Variants in LINGO3 observed in about 807,000 individuals in gnomAD.
LINGO3 encodes leucine rich repeat and Ig domain containing 3.
For synonymous variants in LINGO3, 427 were observed against 444.2 expected, an observed-to-expected ratio of 0.96 and a Z score of 0.49; for missense variants, 750 against 867.7, an observed-to-expected ratio of 0.86 and a Z score of 1.70.
At chr19:2,303,714 A>G in the LINGO3 span, among the ~76,000 whole-genome samples, 2 of 152,032 alleles carry the variant, frequency 1.3e-5, no homozygotes, top group African/African-American at 4.8e-5. Context: ...GAAAGTCTTG[A>G]CTCTCGGCTG....
At chr19:2,302,121 G>A in the LINGO3 span, among the ~76,000 whole-genome samples, 1 of 134,526 alleles carries the variant, frequency 7.4e-6, no homozygotes, top group Non-Finnish European at 1.5e-5. Context: ...GAGTGCAATG[G>A]TTCAATCTAG....
chr19:2,287,239 G>C (rs896529881), downstream of LINGO3, among the ~76,000 whole-genome samples: 1 of 151,882 alleles, frequency 6.6e-6, no homozygotes, highest in East Asian at 1.9e-4. The surrounding 1 kb of genome is among the most constrained non-coding windows in gnomAD (Gnocchi z 4.5). Context: ...GTGCTGAGGG[G>C]TCTTAGTTCA....
exon 1 of LINGO3, chr19:2,291,091 A>G (rs1027397367): frequency 4.3e-6 from 7 of 1,609,662 alleles, no homozygotes; most frequent in Non-Finnish European, 5.9e-6. Context: ...CCAGTTGTCA[A>G]TCTCCAGGTG....
At chr19:2,294,663 G>GC (rs2025557481), upstream of LINGO3, among the ~76,000 whole-genome samples, 1 of 152,104 alleles carries the variant, frequency 6.6e-6, no homozygotes. This position sits in a 1 kb window ranked among gnomAD's most constrained non-coding sequence, Gnocchi z 4.3. Context: ...ATGACATGGA[G>GC]CCGTGGTGGC....
chr19:2,298,446 G>T, the LINGO3 span, among the ~76,000 whole-genome samples: 7,553 of 152,016 alleles, frequency 0.05, 267 homozygotes, highest in Non-Finnish European at 0.077. Flanking sequence ...TGCCCAGGCT[G>T]GTCTCGAACT....
chr19:2,287,941 C>A (rs572674921), downstream of LINGO3, among the ~76,000 whole-genome samples: 1 of 152,312 alleles, frequency 6.6e-6, no homozygotes, highest in South Asian at 2.1e-4. The surrounding 1 kb of genome is among the most constrained non-coding windows in gnomAD (Gnocchi z 4.5). Context: ...AACAGTGGTT[C>A]CTGTCCCTGC....
chr19:2,302,499 C>T, the LINGO3 span, among the ~76,000 whole-genome samples: 3 of 152,256 alleles, frequency 2.0e-5, no homozygotes, highest in Non-Finnish European at 4.4e-5. Flanking sequence ...CTCTGCGCCC[C>T]GCCGTCCACA....
chr19:2,291,316 C>T (rs1435533314), exon 1 of LINGO3: 13 of 1,612,806 alleles, frequency 8.1e-6, no homozygotes, highest in Non-Finnish European at 1.1e-5. Context: ...CACTTCCAGC[C>T]GGCGCAGGCT....
the LINGO3 span, among the ~76,000 whole-genome samples, chr19:2,304,458 T>C: frequency 6.6e-6 from 1 of 151,950 alleles, no homozygotes; most frequent in Admixed American, 6.6e-5. Flanking sequence ...CCTCTGCAGA[T>C]GGGATTAAGT....
chr19:2,297,304 C>CT, the LINGO3 span, among the ~76,000 whole-genome samples: 578 of 116,836 alleles, frequency 4.9e-3, 4 homozygotes, highest in Non-Finnish European at 7.2e-3. Context: ...CCCTCCCCCC[C>CT]TTTTTTTTTT....
At chr19:2,291,014 G>A (rs747237444) in exon 1 of LINGO3, 1 of 1,611,266 alleles carries the variant, frequency 6.2e-7, no homozygotes, top group African/African-American at 1.3e-5. Flanking sequence ...ATGTTGGTGT[G>A]GGTGACCGAC....
chr19:2,302,321 A>C, the LINGO3 span, among the ~76,000 whole-genome samples: 2 of 152,016 alleles, frequency 1.3e-5, no homozygotes, highest in Admixed American at 1.3e-4. Flanking sequence ...CCAGCCTCCC[A>C]AAGTGCTGGG....
chr19:2,303,468 G>A, the LINGO3 span, among the ~76,000 whole-genome samples: 1 of 152,108 alleles, frequency 6.6e-6, no homozygotes, highest in African/African-American at 2.4e-5. Flanking sequence ...AGCTAAGCGA[G>A]GGGCGAGGCT....
At chr19:2,304,563 G>A in the LINGO3 span, among the ~76,000 whole-genome samples, 1 of 151,610 alleles carries the variant, frequency 6.6e-6, no homozygotes, top group African/African-American at 2.4e-5. Context: ...GAAAGTCAGA[G>A]ACTGGAAGAG....
upstream of LINGO3, among the ~76,000 whole-genome samples, chr19:2,296,881 G>C (rs1229180108): frequency 1.5e-4 from 23 of 150,092 alleles, no homozygotes; most frequent in South Asian, 4.9e-3. Context: ...AAGGTCAGGA[G>C]ATCGAGACCA....
the LINGO3 span, among the ~76,000 whole-genome samples, chr19:2,307,405 C>G: frequency 6.6e-6 from 1 of 152,208 alleles, no homozygotes; most frequent in Admixed American, 6.5e-5. Flanking sequence ...CGAGGTGCTG[C>G]TCCCCTAAAC....
At chr19:2,288,591 G>A (rs898733961), downstream of LINGO3, among the ~76,000 whole-genome samples, 1 of 152,246 alleles carries the variant, frequency 6.6e-6, no homozygotes, top group African/African-American at 2.4e-5. The surrounding 1 kb of genome is among the most constrained non-coding windows in gnomAD (Gnocchi z 6.5). Flanking sequence ...CTTGCCTGCT[G>A]TTCTGGGAAG....
chr19:2,296,699 G>T (rs764324982), upstream of LINGO3, among the ~76,000 whole-genome samples: 3 of 151,582 alleles, frequency 2.0e-5, no homozygotes, highest in African/African-American at 7.3e-5. Context: ...GGTTGGTTTC[G>T]AACTCCACTT....
chr19:2,295,358 G>A (rs2025563606), upstream of LINGO3, among the ~76,000 whole-genome samples: 1 of 152,158 alleles, frequency 6.6e-6, no homozygotes. Flanking sequence ...AGCTGGAAGA[G>A]TCAGAAAGGG....
Sources: allele counts gnomAD v4.1 joint callset (sites outside exome capture counted in the v4.1 genomes callset), GRCh38; gene constraint gnomAD v4.1.1; non-coding constraint Gnocchi (gnomAD v3.1); transcripts MANE v1.5; gene names NCBI Gene and HGNC (gene_info 2026-07-23, HGNC 2026-07-21).